Variants in GEN1 observed in about 807,000 individuals in gnomAD.
GEN1 encodes the protein flap endonuclease GEN homolog 1.
A neutral mutation model predicts 67.6 loss-of-function variants in GEN1; 64 were observed. The ratio of observed to expected loss-of-function variants is 0.95; its 90% CI spans 0.77 to 1.17. The LOEUF is 1.17. Ranked by LOEUF, GEN1 falls within the 50% of genes most tolerant of loss-of-function variation. The pLI is 0.00. For missense variants in GEN1, 1,058 were observed against 1,048.3 expected (o/e 1.01, Z -0.13); for synonymous variants, 371 against 359.4 (o/e 1.03, Z -0.37).
At position 17,787,257 on chromosome 2, in the gene GEN1, A is replaced by T. The variant is rs559955055; in HGVS notation, c.*5318A>T. 8.5e-5 allele frequency: 13 copies of T among 152,334 alleles called. No homozygotes were observed. The highest frequency in any genetic ancestry group is 8.5e-4 in the Admixed American group (13 of 15,296). The allele number at this position is 152,334 out of a possible 1,614,324, so 9.4% of individuals were successfully genotyped here. ...TCATTCGTTCCACAAATATTAGCTG[A>T]TGCCTGCCGTGTAGGAGGCACAATA... On this transcript the variant is annotated 3_prime_UTR_variant, in exon 14 of 14. Coordinates refer to ENST00000381254, the MANE Select transcript of GEN1 (RefSeq NM_001130009.3).
Position 17,774,385 on chromosome 2 carries a change from C to G in GEN1, c.1186C>G (p.Gln396Glu). The change falls in exon 11 of 14, where the codon CAA becomes GAA. Residue 396 changes from glutamine to glutamate, a missense_variant. Coordinates refer to ENST00000381254, the MANE Select transcript of GEN1 (RefSeq NM_001130009.3). The part of the protein sequence containing the change: ...ERKLGSRNSN[Q>E]LQPIRIVKTR... The stretch of plus-strand genomic sequence containing the variant: ...AAAGCTTGGTAGCAGAAACTCTAAT[C>G]AACTACAGCCAATTCGGTAATGTAA... The G allele has an allele frequency of 6.2e-7, 1 of 1,601,544 alleles. No homozygotes were observed. Among genetic ancestry groups the G allele is most frequent in the Non-Finnish European group, 8.5e-7 (1 of 1,173,574 alleles).
At chr2:17,776,978 T>G (rs1331047915) in intron 11 of GEN1, among the ~76,000 whole-genome samples, 1 of 152,112 alleles carries the variant, frequency 6.6e-6, no homozygotes, top group Non-Finnish European at 1.5e-5. Flanking sequence ...TACAAAACAT[T>G]AGCTGGACCT....
At chr2:17,768,618 C>T in intron 5 of GEN1, 120 bp from the exon 6 acceptor site, 2 of 677,034 alleles carry the variant, frequency 3.0e-6, no homozygotes, top group Non-Finnish European at 2.5e-6. Context: ...ATATCTTTTC[C>T]TATCTTTATT....
chr2:17,761,048 TG>T (rs1671653801), intron 2 of GEN1, among the ~76,000 whole-genome samples: 1 of 151,976 alleles, frequency 6.6e-6, no homozygotes, highest in Non-Finnish European at 1.5e-5. Flanking sequence ...CTGGGCAACA[TG>T]GTGAAACCCC....
intron 10 of GEN1, among the ~76,000 whole-genome samples, chr2:17,773,945 G>C (rs1044932205): frequency 1.3e-5 from 2 of 152,060 alleles, no homozygotes; most frequent in African/African-American, 4.8e-5. Flanking sequence ...TATGTTTAAT[G>C]CATTGCATGT....
rs543885592 is a variant in GEN1, at chr2:17,780,936, A to G, written c.1724A>G (p.His575Arg). The G allele has an allele frequency of 5.6e-6, 9 of 1,607,974 alleles. No individual in the cohort carries two copies. The South Asian group carries it at 9.9e-5, about 18-fold the overall frequency. ...SESSQPNTSS[H>R]NISVIADLHL... ...TCTAGTCAACCCAATACCTCATCTC[A>G]TAATATATCCGTGATTGCTGATCTA... The change falls in exon 14 of 14, where the codon CAT becomes CGT. Residue 575 changes from histidine (H) to arginine (R), a missense_variant. Physicochemically the swap from His to Arg is conservative, Grantham distance 29. Coordinates refer to ENST00000381254, the MANE Select transcript of GEN1 (RefSeq NM_001130009.3).
rs540561418 is a variant in GEN1, at chr2:17,785,209, T to C, written c.*3270T>C. 2 of 152,302 alleles carry C rather than the reference T, an allele frequency of 1.3e-5. No individual in the cohort carries two copies. Among genetic ancestry groups the C allele is most frequent in the East Asian group, 1.9e-4 (1 of 5,184 alleles). 9.4% of individuals were successfully genotyped at this position (152,302 alleles called of 1,614,324 possible). On this transcript the variant is annotated 3_prime_UTR_variant, in exon 14 of 14. Transcript: ENST00000381254. The stretch of plus-strand genomic sequence containing the variant: ...AAAGTGGTCCTCGGTGCCAGAAAGG[T>C]TGGGGACTGCTGATATACCTAATAT...
At chr2:17,765,955 A>G (rs1019446190) in intron 4 of GEN1, among the ~76,000 whole-genome samples, 1 of 151,456 alleles carries the variant, frequency 6.6e-6, no homozygotes, top group Non-Finnish European at 1.5e-5. Flanking sequence ...TATAATATAT[A>G]TATATATATA....
At chr2:17,771,906 T>C (rs1029688043) in intron 7 of GEN1, among the ~76,000 whole-genome samples, 5 of 151,982 alleles carry the variant, frequency 3.3e-5, no homozygotes, top group African/African-American at 9.7e-5. Context: ...TATCTAGTTG[T>C]CTTAATATAT....
rs1291533997 is a variant in GEN1 at position 17,759,788 on chromosome 2, T to C, written c.-15-141T>C. ...TAACGTTTCAGGTGTTCTTAATTCA[T>C]TTTGAAACGCTGACTGATGAAAAAA... On this transcript the variant is annotated intron_variant, in intron 1 of 13. Transcript: ENST00000381254. 10 of 641,798 alleles carry C rather than the reference T, an allele frequency of 1.6e-5. No homozygotes were observed. In the East Asian group the frequency reaches 2.4e-4, roughly 15 times the overall value. 39.8% of individuals were successfully genotyped at this position (641,798 alleles called of 1,614,324 possible).
intron 11 of GEN1, among the ~76,000 whole-genome samples, chr2:17,777,338 G>A (rs1672479317): frequency 6.6e-6 from 1 of 152,072 alleles, no homozygotes; most frequent in Non-Finnish European, 1.5e-5. Flanking sequence ...TGATGATGAT[G>A]ATAAGCCAAA....
intron 2 of GEN1, among the ~76,000 whole-genome samples, chr2:17,760,979 C>G (rs1257539441): frequency 6.6e-6 from 1 of 151,064 alleles, no homozygotes; most frequent in Non-Finnish European, 1.5e-5. Flanking sequence ...ACTTGTATTC[C>G]TAGCACTTTG....
intron 13 of GEN1, 89 bp downstream of exon 13, chr2:17,780,210 T>G (rs1012620639): frequency 1.1e-5 from 11 of 1,031,380 alleles, no homozygotes; most frequent in Non-Finnish European, 1.6e-5. Flanking sequence ...TGTCTAAATT[T>G]TACTGAAAAA....
intron 12 of GEN1, among the ~76,000 whole-genome samples, chr2:17,778,348 A>ATATG (rs1553331347): frequency 0.035 from 235 of 6,712 alleles, 76 homozygotes; most frequent in Non-Finnish European, 0.088. Flanking sequence ...ATACACACAC[A>ATATG]TGTGTGTACA....
rs1673123698 is a variant in GEN1, at chr2:17,788,436, A to T, written c.*6497A>T. The T allele has an allele frequency of 6.6e-6, 1 of 152,240 alleles. No homozygotes were observed. Among genetic ancestry groups the T allele is most frequent in the South Asian group, 2.1e-4 (1 of 4,826 alleles). The allele number at this position is 152,240 out of a possible 1,614,324, so 9.4% of individuals were successfully genotyped here. A position where few individuals can be genotyped will look rare whatever the true frequency, so the allele number is the denominator to read the frequency against. On this transcript the variant is annotated 3_prime_UTR_variant, in exon 14 of 14. Coordinates refer to ENST00000381254, the MANE Select transcript of GEN1 (RefSeq NM_001130009.3). Reference sequence around the variant, plus strand: ...AAATTCACTAAGTTGCCTGTTTGGCAATGGAGGGCAGAGTTATCAGCAAAG... The same window carrying T: ...AAATTCACTAAGTTGCCTGTTTGGCTATGGAGGGCAGAGTTATCAGCAAAG...
intron 1 of GEN1, among the ~76,000 whole-genome samples, chr2:17,758,952 C>T (rs1036585506): frequency 1.3e-5 from 2 of 152,156 alleles, no homozygotes; most frequent in Non-Finnish European, 2.9e-5. Context: ...GCAACGCTTC[C>T]AGCATTTATT....
intron 13 of GEN1, 118 bp downstream of exon 13, chr2:17,780,239 A>G (rs1191853977): frequency 1.3e-6 from 1 of 787,406 alleles, no homozygotes; most frequent in African/African-American, 1.8e-5. Context: ...CTCAAAAGTC[A>G]AGAATTGTAT....
rs186660424 is a variant in GEN1 at position 17,771,175 on chromosome 2, A to T, written c.711-21A>T. On this transcript the variant is annotated intron_variant, in intron 6 of 13. Transcript: ENST00000381254. ...TGACCTCATTTTTTTTCCTTTTTTT[A>T]AAAACCACTTTCTATTAAAGGTTTA... 2.6e-3 allele frequency: 3,951 copies of T among 1,534,884 alleles called. 5 individuals carry two copies. Among genetic ancestry groups the T allele is most frequent in the Non-Finnish European group, 3.2e-3 (3,552 of 1,108,822 alleles).
chr2:17,765,071 A>G lies in GEN1; in HGVS notation c.523A>G (p.Lys175Glu). 1 of 1,613,258 alleles carries G rather than the reference A, an allele frequency of 6.2e-7. No individual in the cohort carries two copies. The highest frequency in any genetic ancestry group is 8.5e-7 in the Non-Finnish European group (1 of 1,179,710). The change falls in exon 4 of 14, where the codon AAG becomes GAG. Residue 175 changes from lysine (K) to glutamate (E), a missense_variant and splice_region_variant. Coordinates refer to ENST00000381254, the MANE Select transcript of GEN1 (RefSeq NM_001130009.3). ...TVYRNFTMNT[K>E]DPHVDCYTMS... ...TTACAGGAATTTCACTATGAATACA[A>G]AGGTGTTTATTTTCTTTCTCTTTTT...
Sources: gnomAD v4.1 joint callset for allele counts (sites outside exome capture counted in the v4.1 genomes callset) on GRCh38, gnomAD v4.1.1 for gene constraint, MANE v1.5 for transcripts, NCBI Gene and HGNC (gene_info 2026-07-23, HGNC 2026-07-21) for gene names.